The following SPIDR variants were observed in gnomAD, a reference collection of about 807,000 sequenced individuals.
The protein encoded by SPIDR is scaffold protein involved in DNA repair, also known as DNA repair-scaffolding protein.
In SPIDR, 93 loss-of-function variants were observed where a neutral mutation model predicts 104.6. The ratio of observed to expected loss-of-function variants is 0.89; its 90% CI spans 0.75 to 1.06. The LOEUF is 1.06. SPIDR is among the 50% of genes least tolerant of loss of function. The pLI is 0.00. For synonymous variants in SPIDR, 431 were observed against 416.9 expected (o/e 1.03, Z -0.41); for missense variants, 1,154 against 1,111.2 (o/e 1.04, Z -0.55).
chr8:47,437,558 C>T (rs1420217409), intron 7 of SPIDR, among the ~76,000 whole-genome samples: 2 of 152,016 alleles, frequency 1.3e-5, no homozygotes, highest in Non-Finnish European at 2.9e-5. Flanking sequence ...AAAAAACAAC[C>T]CCATCAAAAA....
chr8:47,446,629 C>G (rs1299353580), intron 8 of SPIDR, among the ~76,000 whole-genome samples: 1 of 150,732 alleles, frequency 6.6e-6, no homozygotes, highest in Non-Finnish European at 1.5e-5. Flanking sequence ...GTCTGTTGCC[C>G]AGGCTGGAGT....
At chr8:47,516,814 G>A (rs747511344) in intron 8 of SPIDR, among the ~76,000 whole-genome samples, 2 of 152,044 alleles carry the variant, frequency 1.3e-5, no homozygotes, top group African/African-American at 2.4e-5. Flanking sequence ...GGAATTGCTG[G>A]ATTTTATGGT....
Position 47,700,489 on chromosome 8 carries a change from A to G in SPIDR, c.1772A>G (p.Glu591Gly). 2 of 1,614,208 alleles carry G rather than the reference A, an allele frequency of 1.2e-6. No homozygotes were observed. Among genetic ancestry groups the G allele is most frequent in the Non-Finnish European group, 1.7e-6 (2 of 1,180,040 alleles). The part of the protein sequence containing the change: ...KTPGRDQPCE[E>G]IKTHLPPPAL... ...CCTGGCCGCGACCAGCCCTGTGAAG[A>G]GGTAAGCCCGGCACTGGAAAAACTT... The change falls in exon 12 of 20, where the codon GAG becomes GGG. Residue 591 changes from glutamate to glycine, a missense_variant and splice_region_variant. By Grantham distance (98) the Glu-to-Gly change is moderately conservative. Transcript: ENST00000297423.
At chr8:47,471,118 A>C (rs1554720786) in intron 8 of SPIDR, among the ~76,000 whole-genome samples, 4 of 152,188 alleles carry the variant, frequency 2.6e-5, no homozygotes. Context: ...TTTGGCAGTG[A>C]TTTCTTGGAT....
Position 47,307,145 on chromosome 8 carries a change from G to C in SPIDR, c.525+13115G>C, listed in dbSNP as rs587768090. ...TACATAACTTACTGCTTTTTGTGGG[G>C]GCCCTCATTTCCTGCATTACTGTCT... On this transcript the variant is annotated intron_variant, in intron 5 of 19. Transcript: ENST00000297423. Among the ~76,000 whole-genome samples, 35 of 151,294 alleles carry C rather than the reference G, an allele frequency of 2.3e-4. No individual in the cohort carries two copies. In the South Asian group the frequency reaches 7.1e-3, roughly 31 times the overall value.
chr8:47,591,283 G>A (rs996134347), intron 8 of SPIDR, among the ~76,000 whole-genome samples: 5 of 149,728 alleles, frequency 3.3e-5, no homozygotes, highest in East Asian at 1.9e-4. Context: ...ATAACGTTTT[G>A]GTGTATATCT....
At chr8:47,672,114 T>C (rs2075878127) in intron 10 of SPIDR, among the ~76,000 whole-genome samples, 1 of 152,132 alleles carries the variant, frequency 6.6e-6, no homozygotes, top group Non-Finnish European at 1.5e-5. Flanking sequence ...TTCGCCATCA[T>C]ACCCAGCTAA....
chr8:47,394,587 A>G (rs2061029574), intron 5 of SPIDR, among the ~76,000 whole-genome samples: 1 of 152,212 alleles, frequency 6.6e-6, no homozygotes, highest in Non-Finnish European at 1.5e-5. Context: ...CCCATTGCAC[A>G]CACGTCGGCC....
chr8:47,312,582 G>A (rs1554586295), intron 5 of SPIDR, among the ~76,000 whole-genome samples: 1 of 151,936 alleles, frequency 6.6e-6, no homozygotes, highest in Non-Finnish European at 1.5e-5. Context: ...TTTTTTTCTT[G>A]TAAATTTGTT....
At chr8:47,637,603 T>A (rs918982481) in intron 10 of SPIDR, among the ~76,000 whole-genome samples, 6 of 152,136 alleles carry the variant, frequency 3.9e-5, no homozygotes, top group African/African-American at 1.4e-4. Context: ...CTGGAATTTG[T>A]CTGATTTATT....
intron 8 of SPIDR, among the ~76,000 whole-genome samples, chr8:47,551,800 T>A (rs1467699660): frequency 6.6e-6 from 1 of 152,212 alleles, no homozygotes; most frequent in African/African-American, 2.4e-5. Flanking sequence ...AGTTATTTCT[T>A]GCCTTCTGCT....
Position 47,438,610 on chromosome 8 carries a change from G to A in SPIDR, c.878-1713G>A, listed in dbSNP as rs1191929360. ...CTTTACAAGTTGGTTTCATTCCTCT[G>A]TTCCCTTCCCTAGAGTGACCAGCAG... On this transcript the variant is annotated intron_variant, in intron 7 of 19. Transcript: ENST00000297423. Among the ~76,000 whole-genome samples, 3 of 152,158 alleles carry A rather than the reference G, an allele frequency of 2.0e-5. No homozygotes were observed. In the South Asian group the frequency reaches 6.2e-4, roughly 32 times the overall value.
chr8:47,527,268 G>C (rs1445080602), intron 8 of SPIDR: 2 of 152,070 alleles, frequency 1.3e-5, no homozygotes, highest in South Asian at 4.2e-4. Context: ...AGTTAACTTG[G>C]GGGGAAGGAA....
Position 47,713,524 on chromosome 8 carries a change from C to T in SPIDR, c.2224C>T (p.Leu742Phe), listed in dbSNP as rs1487867197. The change falls in exon 16 of 20, where the codon CTT (leucine) becomes TTT (phenylalanine). Residue 742 changes from leucine to phenylalanine, a missense_variant. By Grantham distance (22) the Leu-to-Phe change is conservative (BLOSUM62 0). Transcript: ENST00000297423. ...IVCAERTVLL[L>F]QKPLLSVVSG... ...TTGTGCTGAACGAACTGTCCTCTTG[C>T]TTCAGAAGCCCCTTTTGAGTGTGGT... The T allele has an allele frequency of 2.5e-6, 4 of 1,614,160 alleles. No homozygotes were observed. Among genetic ancestry groups the T allele is most frequent in the Non-Finnish European group, 8.5e-7 (1 of 1,180,022 alleles).
intron 10 of SPIDR, among the ~76,000 whole-genome samples, chr8:47,620,951 A>G (rs1368713024): frequency 6.9e-6 from 1 of 145,166 alleles, no homozygotes; most frequent in Non-Finnish European, 1.5e-5. Context: ...TACAATTCTC[A>G]CTGGGTTTTT....
intron 5 of SPIDR, among the ~76,000 whole-genome samples, chr8:47,363,972 G>GT (rs2056702508): frequency 6.6e-6 from 1 of 151,966 alleles, no homozygotes; most frequent in African/African-American, 2.4e-5. Flanking sequence ...AGATACCCCT[G>GT]TAGAGGGTCT....
chr8:47,511,964 CTGAACTGGGGGTTGCCTG>C, intron 8 of SPIDR: 1 of 785,794 alleles, frequency 1.3e-6, no homozygotes. Flanking sequence ...CCTCTGGACA[CTGAACTGGGGGTTGCCTG>C]TGAAATGGTT....
At position 47,701,723 on chromosome 8, in the gene SPIDR, A is replaced by G. The variant is rs771105769; in HGVS notation, c.1776A>G (p.Ile592Met). The change falls in exon 13 of 20, where the codon ATA (isoleucine) becomes ATG (methionine). Residue 592 changes from isoleucine to methionine, a missense_variant and splice_region_variant. Ile to Met is a conservative substitution (Grantham distance 10, BLOSUM62 1). Transcript: ENST00000297423. Reference sequence around the variant, plus strand: ...CTACCTTTGTCTCATTTAAACAGATAAAAACTCATCTGCCTCCTCCAGCCT... The same window carrying G: ...CTACCTTTGTCTCATTTAAACAGATGAAAACTCATCTGCCTCCTCCAGCCT... ...TPGRDQPCEEIKTHLPPPALC... is the reference protein window; with the variant it reads ...TPGRDQPCEEMKTHLPPPALC... The G allele has an allele frequency of 6.2e-7, 1 of 1,613,988 alleles. No homozygotes were observed. The highest frequency in any genetic ancestry group is 1.1e-5 in the South Asian group (1 of 91,056).
At chr8:47,548,473 C>A (rs189902114) in intron 8 of SPIDR, among the ~76,000 whole-genome samples, 8 of 152,276 alleles carry the variant, frequency 5.3e-5, no homozygotes, top group African/African-American at 9.6e-5. Flanking sequence ...CATGGTGAAA[C>A]CCTGTCTCTA....
Sources: allele counts gnomAD v4.1 joint callset (sites outside exome capture counted in the v4.1 genomes callset), GRCh38; gene constraint gnomAD v4.1.1; transcripts MANE v1.5; gene names NCBI Gene and HGNC (gene_info 2026-07-23, HGNC 2026-07-21).